Variants in CLIC4 observed in about 807,000 individuals in gnomAD.
The protein encoded by CLIC4 is CLIC family member 4.
Under a neutral mutation model 24.6 loss-of-function variants are expected in CLIC4, and 13 were observed. That is an observed-to-expected ratio of 0.53 (90% CI 0.34 to 0.84). The LOEUF (loss-of-function observed/expected upper bound fraction) is 0.84, where lower values mean the gene tolerates loss of function less well. Ranked by LOEUF, CLIC4 falls within the 40% of genes least tolerant of loss-of-function variation. The pLI is 0.01. For synonymous variants in CLIC4, 104 were observed against 111.3 expected (o/e 0.93, Z 0.41); for missense variants, 227 against 301.7 (o/e 0.75, Z 1.83).
intron 2 of CLIC4, among the ~76,000 whole-genome samples, chr1:24,809,723 A>C (rs940400968): frequency 5.9e-5 from 9 of 152,148 alleles, no homozygotes; most frequent in Non-Finnish European, 1.2e-4. Flanking sequence ...GGCCTCACAA[A>C]GTGCTGGGAT....
chr1:24,799,633 G>T (rs1331063366), intron 2 of CLIC4, among the ~76,000 whole-genome samples: 2 of 138,338 alleles, frequency 1.4e-5, no homozygotes, highest in African/African-American at 5.8e-5. Flanking sequence ...CAGCCGCCCC[G>T]TCGGGGAGGG....
intron 3 of CLIC4, among the ~76,000 whole-genome samples, chr1:24,820,096 T>TATATAC (rs1557812358): frequency 1.8e-5 from 2 of 109,902 alleles, no homozygotes; most frequent in African/African-American, 6.3e-5. Context: ...TATATATATA[T>TATATAC]AGACAGTATC....
intron 2 of CLIC4, among the ~76,000 whole-genome samples, chr1:24,810,195 T>C (rs1639597705): frequency 6.6e-6 from 1 of 152,252 alleles, no homozygotes; most frequent in African/African-American, 2.4e-5. Context: ...TAGTATACAA[T>C]TTGGGATTTC....
intron 1 of CLIC4, among the ~76,000 whole-genome samples, chr1:24,790,536 C>A (rs1639322559): frequency 6.6e-6 from 1 of 152,196 alleles, no homozygotes; most frequent in Admixed American, 6.5e-5. Context: ...AGACTTGGAA[C>A]TAAACAAGCC....
chr1:24,828,691 GGGT>G (rs1215045318), intron 4 of CLIC4, among the ~76,000 whole-genome samples: 1 of 151,080 alleles, frequency 6.6e-6, no homozygotes, highest in Non-Finnish European at 1.5e-5. Context: ...GGATGGGGCG[GGGT>G]GGGGGTGGGG....
chr1:24,796,023 C>T (rs115608526), intron 1 of CLIC4, among the ~76,000 whole-genome samples: 1 of 152,286 alleles, frequency 6.6e-6, no homozygotes, highest in African/African-American at 2.4e-5. Flanking sequence ...TGCCCTGAGG[C>T]AAGGGTTTAT....
intron 1 of CLIC4, among the ~76,000 whole-genome samples, chr1:24,760,797 G>A (rs1020810697): frequency 2.0e-5 from 3 of 152,142 alleles, no homozygotes; most frequent in Admixed American, 2.0e-4. Context: ...ATTAAATGCT[G>A]TGAAGAAAAT....
chr1:24,819,439 C>G, intron 3 of CLIC4, among the ~76,000 whole-genome samples: 1 of 143,728 alleles, frequency 7.0e-6, no homozygotes, highest in Admixed American at 7.0e-5. Context: ...GTGGAAATAA[C>G]TTTTTTTTTT....
At chr1:24,746,035 C>T (rs1038367744) in intron 1 of CLIC4, among the ~76,000 whole-genome samples, 2 of 151,542 alleles carry the variant, frequency 1.3e-5, no homozygotes, top group African/African-American at 4.8e-5. Flanking sequence ...CGGTCCGCCG[C>T]CCGGAGCCCG....
intron 3 of CLIC4, among the ~76,000 whole-genome samples, chr1:24,820,079 G>GTATATATATATATATATATATATATA (rs779189334): frequency 4.3e-5 from 2 of 46,334 alleles, no homozygotes; most frequent in African/African-American, 1.5e-4. Context: ...ATATATATAT[G>GTATATATATATATATATATATATATA]TATATATATA....
At chr1:24,745,666 G>T in intron 1 of CLIC4, 41 bp downstream of exon 1, 2 of 1,491,324 alleles carry the variant, frequency 1.3e-6, no homozygotes, top group Admixed American at 2.1e-5. Flanking sequence ...AGATCCCCCG[G>T]CTCCCTCCCG....
At chr1:24,827,403 G>GA (rs1639797427) in intron 4 of CLIC4, among the ~76,000 whole-genome samples, 2 of 152,156 alleles carry the variant, frequency 1.3e-5, no homozygotes, top group African/African-American at 4.8e-5. Context: ...ACTGTGAAGG[G>GA]AGCTAGGCAA....
At chr1:24,783,516 A>G (rs1348520677) in intron 1 of CLIC4, among the ~76,000 whole-genome samples, 1 of 152,190 alleles carries the variant, frequency 6.6e-6, no homozygotes, top group Non-Finnish European at 1.5e-5. Flanking sequence ...AGCCTGGGCA[A>G]CATAGCAAAA....
intron 3 of CLIC4, among the ~76,000 whole-genome samples, chr1:24,818,634 C>G (rs182973217): frequency 6.6e-6 from 1 of 152,108 alleles, no homozygotes; most frequent in East Asian, 1.9e-4. Flanking sequence ...TTTATTCATT[C>G]TGCAAAGCAT....
At chr1:24,805,131 T>C (rs955786552) in intron 2 of CLIC4, among the ~76,000 whole-genome samples, 11 of 150,562 alleles carry the variant, frequency 7.3e-5, no homozygotes, top group African/African-American at 2.7e-4. Context: ...AAACGAATTA[T>C]GGAATCCATA....
intron 1 of CLIC4, among the ~76,000 whole-genome samples, chr1:24,745,870 C>T (rs1638686580): frequency 6.6e-6 from 1 of 151,380 alleles, no homozygotes; most frequent in African/African-American, 2.4e-5. Flanking sequence ...TAGGCATCGG[C>T]GGACGCCAGA....
intron 1 of CLIC4, among the ~76,000 whole-genome samples, chr1:24,763,272 G>A (rs1401170816): frequency 6.6e-6 from 1 of 152,072 alleles, no homozygotes; most frequent in East Asian, 1.9e-4. Context: ...GGGCATGCTG[G>A]CTCACTCCTG....
chr1:24,756,304 T>G (rs952034681), intron 1 of CLIC4, among the ~76,000 whole-genome samples: 4 of 152,174 alleles, frequency 2.6e-5, no homozygotes, highest in Non-Finnish European at 5.9e-5. Flanking sequence ...CTGCTAACAT[T>G]AGTGTTTTGA....
chr1:24,806,218 A>G (rs1639548870), intron 2 of CLIC4, among the ~76,000 whole-genome samples: 2 of 152,186 alleles, frequency 1.3e-5, no homozygotes, highest in African/African-American at 2.4e-5. Context: ...ACAGTGTTAC[A>G]TTTCTGTGAA....
Sources: allele counts gnomAD v4.1 joint callset (sites outside exome capture counted in the v4.1 genomes callset), GRCh38; gene constraint gnomAD v4.1.1; transcripts MANE v1.5; gene names NCBI Gene and HGNC (gene_info 2026-07-23, HGNC 2026-07-21).